GMEB1: variants seen among roughly 807,000 people sequenced by gnomAD.
GMEB1 encodes glucocorticoid modulatory element-binding protein 1.
Under a neutral mutation model 52.4 loss-of-function variants are expected in GMEB1, and 6 were observed. The observed-to-expected ratio is 0.11, with a 90% confidence interval of 0.06 to 0.23. GMEB1 has a LOEUF of 0.23. Ranked by LOEUF, GMEB1 falls within the 10% of genes least tolerant of loss-of-function variation. GMEB1 has a pLI of 1.00. For synonymous variants in GMEB1, 255 were observed against 244.9 expected (o/e 1.04, Z -0.38); for missense variants, 486 against 685.6 (o/e 0.71, Z 3.25).
At chr1:28,673,976 T>C (rs1305228885) in intron 1 of GMEB1, among the ~76,000 whole-genome samples, 1 of 151,652 alleles carries the variant, frequency 6.6e-6, no homozygotes, top group African/African-American at 2.4e-5. Flanking sequence ...TGAAACCCTG[T>C]CTCTACTAAA....
At chr1:28,696,895 T>C (rs1476449215) in intron 5 of GMEB1, 32 bp from the exon 6 acceptor site, 2 of 1,565,860 alleles carry the variant, frequency 1.3e-6, no homozygotes, top group South Asian at 1.2e-5. Context: ...AAGTATAGGC[T>C]GAACTGGTAC....
intron 1 of GMEB1, among the ~76,000 whole-genome samples, chr1:28,671,387 G>C (rs910778112): frequency 1.3e-5 from 2 of 152,074 alleles, no homozygotes; most frequent in African/African-American, 4.8e-5. Flanking sequence ...GAGTAGCTGG[G>C]ACTACAGGTG....
At chr1:28,701,762 G>C (rs1415108493) in intron 6 of GMEB1, among the ~76,000 whole-genome samples, 3 of 151,932 alleles carry the variant, frequency 2.0e-5, no homozygotes, top group Non-Finnish European at 4.4e-5. Flanking sequence ...GTTTTGCTAT[G>C]TTGCCCAGGC....
Position 28,710,424 on chromosome 1 carries a change from A to G in GMEB1, c.869-96A>G, listed in dbSNP as rs192551568. ...GTTAAAATGCAGTTAGGAGAGTCCCATAATTTCTGGTTGTTTCATATTTAT... is the reference window on the plus strand; with the variant it reads ...GTTAAAATGCAGTTAGGAGAGTCCCGTAATTTCTGGTTGTTTCATATTTAT... On this transcript the variant is annotated intron_variant, in intron 8 of 9. Coordinates refer to ENST00000373816, the MANE Select transcript of GMEB1 (RefSeq NM_001319674.2). 8,423 of 904,696 alleles carry G rather than the reference A, an allele frequency of 9.3e-3. 69 individuals are homozygous for G. The highest frequency in any genetic ancestry group is 0.024 in the South Asian group (722 of 30,504). The allele number at this position is 904,696 out of a possible 1,614,324, so 56.0% of individuals were successfully genotyped here. A position where few individuals can be genotyped will look rare whatever the true frequency, so the allele number is the denominator to read the frequency against.
chr1:28,674,965 C>T (rs1315753998), intron 1 of GMEB1, among the ~76,000 whole-genome samples: 5 of 128,494 alleles, frequency 3.9e-5, no homozygotes, highest in East Asian at 2.4e-4. Context: ...GTGATCCGCC[C>T]GCCTCGGCCT....
At chr1:28,672,741 T>C (rs113637776) in intron 1 of GMEB1, among the ~76,000 whole-genome samples, 6,271 of 147,812 alleles carry the variant, frequency 0.042, 415 homozygotes, top group African/African-American at 0.15. Context: ...TGTTCCTTTT[T>C]TTTTTTTTTT....
At chr1:28,688,146 G>A (rs544782129) in intron 2 of GMEB1, among the ~76,000 whole-genome samples, 1 of 152,238 alleles carries the variant, frequency 6.6e-6, no homozygotes, top group South Asian at 2.1e-4. Context: ...TAGCCAGCGT[G>A]GTGGCGCATG....
At chr1:28,690,226 T>C in intron 3 of GMEB1, 40 bp downstream of exon 3, 2 of 816,954 alleles carry the variant, frequency 2.4e-6, no homozygotes, top group Non-Finnish European at 1.9e-6. Context: ...TTTTTTTTTG[T>C]CATTCTAATA....
At chr1:28,668,884 G>A (rs1272243818) in intron 1 of GMEB1, 45 bp downstream of exon 1, 1 of 144,714 alleles carries the variant, frequency 6.9e-6, no homozygotes, top group Non-Finnish European at 1.5e-5. Flanking sequence ...GGTGGGGTGG[G>A]GGCGGGGGGG....
At chr1:28,691,876 C>G (rs1055745955) in intron 4 of GMEB1, among the ~76,000 whole-genome samples, 167 bp downstream of exon 4, 1 of 150,828 alleles carries the variant, frequency 6.6e-6, no homozygotes, top group African/African-American at 2.4e-5. Flanking sequence ...TAATGTGTCA[C>G]AATAGAAAAA....
chr1:28,707,508 C>G (rs766188995), intron 8 of GMEB1, among the ~76,000 whole-genome samples: 4 of 151,910 alleles, frequency 2.6e-5, no homozygotes, highest in Admixed American at 6.6e-5. Context: ...TTTTGAATGT[C>G]GAACTACTAA....
At chr1:28,710,740 T>TA (rs397754554) in intron 9 of GMEB1, 98 bp downstream of exon 9, 20 of 775,322 alleles carry the variant, frequency 2.6e-5, no homozygotes, top group East Asian at 2.0e-4. Flanking sequence ...TTTTTTTTTT[T>TA]AAATAGTATC....
chr1:28,678,682 G>C (rs143515129), intron 1 of GMEB1, among the ~76,000 whole-genome samples: 1 of 151,904 alleles, frequency 6.6e-6, no homozygotes. Context: ...GCAGTGGCAC[G>C]ATCTTGGCTC....
chr1:28,669,437 G>C (rs1668777887), intron 1 of GMEB1, among the ~76,000 whole-genome samples: 1 of 152,132 alleles, frequency 6.6e-6, no homozygotes, highest in African/African-American at 2.4e-5. Context: ...GCCTTGGCGG[G>C]AGAGCAAGAG....
At chr1:28,669,519 T>C (rs975363510) in intron 1 of GMEB1, among the ~76,000 whole-genome samples, 4 of 151,634 alleles carry the variant, frequency 2.6e-5, no homozygotes, top group African/African-American at 9.7e-5. Context: ...CCTCGGCCAC[T>C]CAGAACAAGG....
chr1:28,714,913 T>A lies in GMEB1; in HGVS notation c.*140T>A. 1.5e-6 allele frequency: 1 copy of A among 672,232 alleles called. No individual in the cohort carries two copies. Among genetic ancestry groups the A allele is most frequent in the Non-Finnish European group, 2.4e-6 (1 of 408,820 alleles). 41.6% of individuals were successfully genotyped at this position (672,232 alleles called of 1,614,324 possible). ...AAAATCTTATTGTTGTAACTGAAAA[T>A]GTTGGGTTCTTCCCACTCCCTCATT... On this transcript the variant is annotated 3_prime_UTR_variant, in exon 10 of 10. Coordinates refer to ENST00000373816, the MANE Select transcript of GMEB1 (RefSeq NM_001319674.2).
intron 4 of GMEB1, 146 bp from the exon 5 acceptor site, chr1:28,692,796 T>C: frequency 2.4e-6 from 1 of 418,150 alleles, no homozygotes; most frequent in Non-Finnish European, 4.3e-6. Context: ...TCTAACACAA[T>C]AGTACAGGAG....
chr1:28,700,306 A>T (rs770065724), intron 6 of GMEB1, among the ~76,000 whole-genome samples: 1 of 151,810 alleles, frequency 6.6e-6, no homozygotes, highest in Admixed American at 6.6e-5. Flanking sequence ...AGGTCAGGAG[A>T]TGGAGACCAT....
At chr1:28,702,638 A>G in intron 7 of GMEB1, 69 bp downstream of exon 7, 1 of 1,390,392 alleles carries the variant, frequency 7.2e-7, no homozygotes, top group African/African-American at 1.4e-5. Context: ...CATTATGGAC[A>G]CGGAAGACCT....
Sources: allele counts gnomAD v4.1 joint callset (sites outside exome capture counted in the v4.1 genomes callset), GRCh38; gene constraint gnomAD v4.1.1; transcripts MANE v1.5; gene names NCBI Gene and HGNC (gene_info 2026-07-23, HGNC 2026-07-21).